Variants in NPAS3 observed in about 807,000 individuals in gnomAD.
NPAS3 encodes the protein neuronal PAS domain protein 3.
In NPAS3, 14 loss-of-function variants were observed where a neutral mutation model predicts 73.1. That is an observed-to-expected ratio of 0.19 (90% CI 0.13 to 0.30). NPAS3 has a LOEUF of 0.30. Among genes scored for constraint, NPAS3 ranks in the 10% least tolerant of loss-of-function variants. NPAS3 has a pLI of 1.00. For synonymous variants in NPAS3, 620 were observed against 541.5 expected (o/e 1.14, Z -2.01); for missense variants, 1,096 against 1,250.0 (o/e 0.88, Z 1.86).
chr14:33,598,839 G>C (rs1428495284), intron 5 of NPAS3, among the ~76,000 whole-genome samples: 1 of 152,178 alleles, frequency 6.6e-6, no homozygotes, highest in Non-Finnish European at 1.5e-5. Flanking sequence ...GAAAACACAA[G>C]GCAGCATTTT....
intron 2 of NPAS3, among the ~76,000 whole-genome samples, chr14:33,188,847 C>T (rs2046072067): frequency 6.6e-6 from 1 of 152,120 alleles, no homozygotes; most frequent in Non-Finnish European, 1.5e-5. Flanking sequence ...TCATACTCAA[C>T]TGAAAAATAT....
At chr14:33,163,048 G>C (rs570208990) in intron 2 of NPAS3, among the ~76,000 whole-genome samples, 1 of 152,290 alleles carries the variant, frequency 6.6e-6, no homozygotes, top group African/African-American at 2.4e-5. Context: ...CTGACTCACC[G>C]ACCACTTTCA....
chr14:33,138,544 C>T (rs1404682287), intron 2 of NPAS3, among the ~76,000 whole-genome samples: 3 of 152,126 alleles, frequency 2.0e-5, no homozygotes, highest in Non-Finnish European at 2.9e-5. Flanking sequence ...GCATCATGCT[C>T]AGTCAACTGT....
chr14:33,189,861 A>G (rs1012273462), intron 2 of NPAS3, among the ~76,000 whole-genome samples: 13 of 152,174 alleles, frequency 8.5e-5, no homozygotes, highest in Admixed American at 5.9e-4. Context: ...TACAAATGCA[A>G]CTTTTTCATT....
At chr14:33,261,852 T>C (rs1280460766) in intron 3 of NPAS3, among the ~76,000 whole-genome samples, 1 of 152,174 alleles carries the variant, frequency 6.6e-6, no homozygotes, top group African/African-American at 2.4e-5. Flanking sequence ...ATCTATCTTA[T>C]TATAGGAATT....
At chr14:33,208,219 A>G (rs190514989) in intron 2 of NPAS3, among the ~76,000 whole-genome samples, 6 of 152,302 alleles carry the variant, frequency 3.9e-5, no homozygotes, top group African/African-American at 1.4e-4. Context: ...AAAGCATACA[A>G]TGAATAGTTT....
intron 4 of NPAS3, among the ~76,000 whole-genome samples, chr14:33,378,262 A>T (rs1305618667): frequency 6.6e-6 from 1 of 152,198 alleles, no homozygotes; most frequent in African/African-American, 2.4e-5. Flanking sequence ...GCACTCAAGA[A>T]AAGTTGGCTG....
intron 2 of NPAS3, chr14:33,214,869 C>T (rs756652586): frequency 5.0e-5 from 15 of 298,528 alleles, no homozygotes; most frequent in South Asian, 1.5e-4. Flanking sequence ...TATCAAGCTA[C>T]GCCTGTAAAC....
intron 1 of NPAS3, among the ~76,000 whole-genome samples, chr14:33,007,107 G>A (rs1460050507): frequency 6.6e-6 from 1 of 152,190 alleles, no homozygotes; most frequent in Non-Finnish European, 1.5e-5. Context: ...GCTTGTCAGT[G>A]AATGTTATAA....
At chr14:33,780,418 G>T (rs989117568) in intron 9 of NPAS3, among the ~76,000 whole-genome samples, 1 of 152,170 alleles carries the variant, frequency 6.6e-6, no homozygotes, top group South Asian at 2.1e-4. Flanking sequence ...AATAATACAG[G>T]CTAGAGATCC....
chr14:33,497,947 C>T (rs1292628453), intron 4 of NPAS3, among the ~76,000 whole-genome samples: 1 of 152,126 alleles, frequency 6.6e-6, no homozygotes, highest in African/African-American at 2.4e-5. Flanking sequence ...ATCTATCCAT[C>T]TGACAAAGGG....
At chr14:33,134,125 G>A (rs1381436841) in intron 2 of NPAS3, among the ~76,000 whole-genome samples, 1 of 151,968 alleles carries the variant, frequency 6.6e-6, no homozygotes, top group African/African-American at 2.4e-5. Context: ...TTTGGAATCT[G>A]ACAAGTGAAT....
At chr14:33,303,508 G>C (rs2042636090) in intron 3 of NPAS3, among the ~76,000 whole-genome samples, 1 of 151,884 alleles carries the variant, frequency 6.6e-6, no homozygotes, top group Non-Finnish European at 1.5e-5. Flanking sequence ...TAAATAATCA[G>C]AGTTATTCTA....
intron 3 of NPAS3, among the ~76,000 whole-genome samples, chr14:33,243,780 A>G (rs1006711954): frequency 7.9e-5 from 12 of 152,112 alleles, no homozygotes; most frequent in Non-Finnish European, 1.8e-4. Context: ...AAAAAAAAAA[A>G]GTACAAGCTG....
chr14:33,695,609 T>C (rs939854702), intron 6 of NPAS3, among the ~76,000 whole-genome samples: 1 of 152,196 alleles, frequency 6.6e-6, no homozygotes, highest in African/African-American at 2.4e-5. Context: ...AGCACTCCAA[T>C]AGTTCAATAT....
intron 4 of NPAS3, among the ~76,000 whole-genome samples, chr14:33,450,086 A>T (rs962203691): frequency 9.9e-5 from 15 of 152,230 alleles, no homozygotes; most frequent in African/African-American, 3.6e-4. Context: ...CTCACCCATT[A>T]AAAGTATTAC....
intron 5 of NPAS3, among the ~76,000 whole-genome samples, chr14:33,577,652 T>A (rs1169507469): frequency 6.6e-6 from 1 of 152,178 alleles, no homozygotes; most frequent in Non-Finnish European, 1.5e-5. Context: ...TGAGACTTAT[T>A]CTCCTGCTGG....
intron 2 of NPAS3, among the ~76,000 whole-genome samples, chr14:33,118,117 A>T (rs978405983): frequency 1.3e-5 from 2 of 152,058 alleles, no homozygotes; most frequent in Non-Finnish European, 2.9e-5. Context: ...TGACTTTCAC[A>T]TAATTGTTGT....
chr14:33,703,743 T>C (rs887558033), intron 6 of NPAS3, among the ~76,000 whole-genome samples: 21 of 152,160 alleles, frequency 1.4e-4, no homozygotes, highest in African/African-American at 2.4e-5. Context: ...ATACATGTAT[T>C]ATCTGGTTTA....
Sources: allele counts gnomAD v4.1 joint callset (sites outside exome capture counted in the v4.1 genomes callset), GRCh38; gene constraint gnomAD v4.1.1; transcripts MANE v1.5; gene names NCBI Gene and HGNC (gene_info 2026-07-23, HGNC 2026-07-21).